Variants in ANK2 observed in about 807,000 individuals in gnomAD.
ANK2 encodes the protein ankyrin 2.
ANK2 carries 83 observed loss-of-function variants against 360.5 expected under a neutral mutation model. The ratio of observed to expected loss-of-function variants is 0.23; its 90% CI spans 0.19 to 0.28. The LOEUF (loss-of-function observed/expected upper bound fraction) is 0.28, where lower values mean the gene tolerates loss of function less well. Ranked by LOEUF, ANK2 falls within the 10% of genes least tolerant of loss-of-function variation. The probability of loss-of-function intolerance (pLI) is 1.00; values close to 1 mark genes in which losing one functional copy is unlikely to be tolerated. For synonymous variants in ANK2, 1,740 were observed against 1,759.5 expected (o/e 0.99, Z 0.28); for missense variants, 4,201 against 4,795.7 (o/e 0.88, Z 3.66).
intron 34 of ANK2, among the ~76,000 whole-genome samples, chr4:113,344,716 C>G (rs2094640519): frequency 6.6e-6 from 1 of 152,106 alleles, no homozygotes; most frequent in African/African-American, 2.4e-5. Context: ...GAAGGAAATT[C>G]TAGTTTATGC....
At chr4:113,036,434 A>C (rs764554417) in intron 2 of ANK2, among the ~76,000 whole-genome samples, 3 of 151,948 alleles carry the variant, frequency 2.0e-5, no homozygotes, top group Non-Finnish European at 4.4e-5. Flanking sequence ...AGTTAAGGAC[A>C]GCATGAGGCT....
chr4:113,278,624 T>G, intron 17 of ANK2, 66 bp downstream of exon 17: 1 of 1,504,260 alleles, frequency 6.6e-7, no homozygotes, highest in Non-Finnish European at 9.2e-7. Context: ...ACATGAGAAT[T>G]GTCTTTTAAA....
At chr4:113,109,490 G>C (rs1025240355) in intron 1 of ANK2, among the ~76,000 whole-genome samples, 2 of 152,154 alleles carry the variant, frequency 1.3e-5, no homozygotes, top group Non-Finnish European at 2.9e-5. Flanking sequence ...CTTACCCTTA[G>C]AGTATTGCTT....
At position 113,245,395 on chromosome 4, in the gene ANK2, C is replaced by T. The variant is rs572494894; in HGVS notation, c.891+3186C>T. ...TTCTCATGCTGCTATGAAGAACTGC[C>T]CGAGATTGGGTAATTTATAAAGGAA... On this transcript the variant is annotated intron_variant, in intron 9 of 45. Transcript: ENST00000357077. Among the ~76,000 whole-genome samples the T allele has an allele frequency of 2.3e-3, 349 of 152,000 alleles. 1 individual carries two copies. The highest frequency in any genetic ancestry group is 3.9e-3 in the Non-Finnish European group (266 of 67,966).
chr4:113,084,668 G>T (rs908020498), intron 1 of ANK2, among the ~76,000 whole-genome samples: 1 of 152,072 alleles, frequency 6.6e-6, no homozygotes, highest in Non-Finnish European at 1.5e-5. Context: ...TTAAGTAAAG[G>T]TCTAAAATTC....
chr4:113,094,616 A>G (rs1181128674), intron 1 of ANK2, among the ~76,000 whole-genome samples: 1 of 152,166 alleles, frequency 6.6e-6, no homozygotes, highest in African/African-American at 2.4e-5. Flanking sequence ...AGCAGCTTTT[A>G]AAAGATGTAA....
At chr4:112,771,879 C>A in the ANK2 span, among the ~76,000 whole-genome samples, 1 of 152,296 alleles carries the variant, frequency 6.6e-6, no homozygotes, top group South Asian at 2.1e-4. Flanking sequence ...GCCACCGCAC[C>A]TGGCCTAAAC....
intron 1 of ANK2, among the ~76,000 whole-genome samples, chr4:112,869,380 T>C (rs939838698): frequency 6.6e-6 from 1 of 152,164 alleles, no homozygotes; most frequent in Admixed American, 6.6e-5. Flanking sequence ...TGGGCTCAAG[T>C]GATCCTCCCA....
Position 112,842,229 on chromosome 4 carries a change from C to T in ANK2, c.-40+23965C>T, listed in dbSNP as rs992527862. On this transcript the variant is annotated intron_variant, in intron 1 of 30. Transcript: ENST00000503271. ...TTCACCATGTTGGCCAGTCTTGTCT[C>T]GAAATCCTGACCTCAGGTGATCCGC... Among the ~76,000 whole-genome samples, 7 of 152,220 alleles carry T rather than the reference C, an allele frequency of 4.6e-5. No individual in the cohort carries two copies. In the East Asian group the frequency reaches 1.4e-3, roughly 29 times the overall value.
chr4:113,222,140 C>A (rs904646244), intron 4 of ANK2, among the ~76,000 whole-genome samples: 1 of 152,152 alleles, frequency 6.6e-6, no homozygotes, highest in African/African-American at 2.4e-5. Flanking sequence ...CATTAAATAA[C>A]GAATGTAAAG....
intron 1 of ANK2, among the ~76,000 whole-genome samples, chr4:113,091,063 A>G (rs2087765558): frequency 6.6e-6 from 1 of 152,226 alleles, no homozygotes; most frequent in African/African-American, 2.4e-5. Context: ...GAGGAACTTA[A>G]GAATTCCATA....
At chr4:113,258,474 G>A in intron 13 of ANK2, 63 bp downstream of exon 13, 1 of 1,460,548 alleles carries the variant, frequency 6.8e-7, no homozygotes, top group Non-Finnish European at 9.6e-7. Flanking sequence ...GAGATTGTGG[G>A]TGTGTGTATG....
At chr4:112,745,531 C>CTTT in the ANK2 span, among the ~76,000 whole-genome samples, 43 of 123,090 alleles carry the variant, frequency 3.5e-4, no homozygotes, top group South Asian at 7.6e-4. Flanking sequence ...AGTACTAGAT[C>CTTT]TTTTTTTTTT....
At position 112,978,976 on chromosome 4, in the gene ANK2, T is replaced by G. The variant is rs202103754; in HGVS notation, c.21+74462T>G. Among the ~76,000 whole-genome samples the G allele has an allele frequency of 2.0e-5, 3 of 152,206 alleles. No homozygotes were observed. The East Asian group carries it at 5.8e-4, about 29-fold the overall frequency. ...TAGATTATTTCTCTGGGACCAGGTGTTCATATTTTGCAATAGAAATAATAA... is the reference window on the plus strand; with the variant it reads ...TAGATTATTTCTCTGGGACCAGGTGGTCATATTTTGCAATAGAAATAATAA... On this transcript the variant is annotated intron_variant, in intron 2 of 30. Coordinates refer to the ANK2 transcript ENST00000503271.
chr4:113,211,930 C>A (rs1456109183), intron 4 of ANK2, among the ~76,000 whole-genome samples: 1 of 152,058 alleles, frequency 6.6e-6, no homozygotes, highest in African/African-American at 2.4e-5. Context: ...CAGTTAAATT[C>A]TCTTTATGCT....
chr4:113,171,707 A>C (rs751682657), intron 1 of ANK2, among the ~76,000 whole-genome samples: 2 of 152,192 alleles, frequency 1.3e-5, no homozygotes, highest in African/African-American at 4.8e-5. Flanking sequence ...AGGATTTGCT[A>C]TAACTTTGAC....
the ANK2 span, among the ~76,000 whole-genome samples, chr4:112,780,129 C>T: frequency 2.0e-5 from 3 of 149,480 alleles, no homozygotes; most frequent in Non-Finnish European, 4.4e-5. Flanking sequence ...GGCTGAGTTG[C>T]GGTGCTAAGA....
chr4:112,838,672 A>T (rs969975641), intron 1 of ANK2, among the ~76,000 whole-genome samples: 1 of 152,210 alleles, frequency 6.6e-6, no homozygotes, highest in Non-Finnish European at 1.5e-5. Context: ...GTTCAAGACC[A>T]GCCTGGCCAA....
chr4:113,339,349 C>T (rs2093977898), intron 32 of ANK2, 27 bp downstream of exon 32: 2 of 1,576,292 alleles, frequency 1.3e-6, no homozygotes, highest in East Asian at 4.5e-5. Context: ...CAGAAAAGCC[C>T]ACTATGATAT....
Sources: gnomAD v4.1 joint callset for allele counts (sites outside exome capture counted in the v4.1 genomes callset) on GRCh38, gnomAD v4.1.1 for gene constraint, MANE v1.5 for transcripts, NCBI Gene and HGNC (gene_info 2026-07-23, HGNC 2026-07-21) for gene names.